PHF3: variants seen among roughly 807,000 people sequenced by gnomAD.
PHF3 encodes the protein PHD finger protein 3.
PHF3 carries 41 observed loss-of-function variants against 178.4 expected under a neutral mutation model. That is an observed-to-expected ratio of 0.23 (90% CI 0.18 to 0.30). PHF3 has a LOEUF of 0.30. Ranked by LOEUF, PHF3 falls within the 10% of genes least tolerant of loss-of-function variation. The pLI, the probability that PHF3 is intolerant of heterozygous loss-of-function variation, is 1.00. For missense variants in PHF3, 2,346 were observed against 2,398.1 expected (o/e 0.98, Z 0.45); for synonymous variants, 842 against 800.5 (o/e 1.05, Z -0.88).
intron 2 of PHF3, among the ~76,000 whole-genome samples, chr6:63,673,676 AG>A (rs766125280): frequency 6.6e-6 from 1 of 152,184 alleles, no homozygotes; most frequent in African/African-American, 2.4e-5. Flanking sequence ...TGAAAAATCA[AG>A]GGGGCAGGGT....
intron 5 of PHF3, among the ~76,000 whole-genome samples, chr6:63,693,121 A>G (rs982616083): frequency 1.3e-5 from 2 of 152,244 alleles, no homozygotes; most frequent in Non-Finnish European, 2.9e-5. Context: ...TGATTTGATC[A>G]TCAAAGTAAT....
intron 13 of PHF3, among the ~76,000 whole-genome samples, chr6:63,708,390 G>T (rs1052264366): frequency 6.6e-6 from 1 of 151,892 alleles, no homozygotes; most frequent in Non-Finnish European, 1.5e-5. Context: ...TTTTAAACAA[G>T]ATTATTATTT....
chr6:63,685,616 C>G lies in PHF3; in HGVS notation c.1894C>G (p.Gln632Glu). The G allele has an allele frequency of 6.2e-7, 1 of 1,614,094 alleles. No homozygotes were observed. Among genetic ancestry groups the G allele is most frequent in the East Asian group, 2.2e-5 (1 of 44,880 alleles). The change falls in exon 4 of 16, where the codon CAA (glutamine) becomes GAA (glutamate). Residue 632 changes from glutamine (Q) to glutamate (E), a missense_variant. Gln to Glu is a conservative substitution (Grantham distance 29, BLOSUM62 2). Transcript: ENST00000262043. ...SSQKQCHKPQQQAPAMKTNSH... is the reference protein window; with the variant it reads ...SSQKQCHKPQEQAPAMKTNSH... Reference sequence around the variant, plus strand: ...CCAGAAACAGTGTCATAAGCCTCAGCAACAGGCCCCAGCAATGAAAACCAA... The same window carrying G: ...CCAGAAACAGTGTCATAAGCCTCAGGAACAGGCCCCAGCAATGAAAACCAA...
rs965569394 is a variant in PHF3 at position 63,713,196 on chromosome 6, G to A, written c.5608G>A (p.Gly1870Ser). 2.5e-6 allele frequency: 4 copies of A among 1,613,880 alleles called. No individual in the cohort carries two copies. The highest frequency in any genetic ancestry group is 2.5e-6 in the Non-Finnish European group (3 of 1,179,976). ...HLPGQPQRMM[G>S]PLSQASRYIG... ...CCCAGGTCAGCCACAGCGTATGATG[G>A]GTCCTCTCTCACAAGCATCAAGGTA... The change falls in exon 16 of 16, where the codon GGT becomes AGT. Residue 1870 changes from glycine (G) to serine (S), a missense_variant. Physicochemically the swap from Gly to Ser is moderately conservative, Grantham distance 56. This residue lies in a region of PHF3 where 839 missense variants were observed against 806.9 expected (regional missense o/e 1.04). Coordinates refer to ENST00000262043, the MANE Select transcript of PHF3 (RefSeq NM_001370348.2).
rs1251927878 is a variant in PHF3 at position 63,719,978 on chromosome 6, A to G, written c.*6270A>G. On this transcript the variant is annotated 3_prime_UTR_variant, in exon 16 of 16. Coordinates refer to ENST00000262043, the MANE Select transcript of PHF3 (RefSeq NM_001370348.2). ...TTGTAATATCTATTGATGTCTTACTATAAAAGATAAGGATTTAGCTCTTAC... is the reference window on the plus strand; with the variant it reads ...TTGTAATATCTATTGATGTCTTACTGTAAAAGATAAGGATTTAGCTCTTAC... 1.3e-5 allele frequency: 2 copies of G among 152,104 alleles called. No homozygotes were observed. The highest frequency in any genetic ancestry group is 2.9e-5 in the Non-Finnish European group (2 of 67,996). 9.4% of individuals were successfully genotyped at this position (152,104 alleles called of 1,614,324 possible). A position where few individuals can be genotyped will look rare whatever the true frequency, so the allele number is the denominator to read the frequency against.
chr6:63,684,608 C>A lies in PHF3; in HGVS notation c.886C>A (p.Gln296Lys). ...GTTTTCAGATAAAGAAGAACATGAA[C>A]AAAATGATTCCATTTCAGGTAAAAC... ...FKFSDKEEHE[Q>K]NDSISGKTGE... The change falls in exon 4 of 16, where the codon CAA becomes AAA. Residue 296 changes from glutamine to lysine, a missense_variant. Physicochemically the swap from Gln to Lys is moderately conservative, Grantham distance 53 (BLOSUM62 1). This residue lies in a region of PHF3 where 843 missense variants were observed against 795.2 expected (regional missense o/e 1.06). Transcript: ENST00000262043. 6.2e-7 allele frequency: 1 copy of A among 1,613,824 alleles called. No homozygotes were observed. Among genetic ancestry groups the A allele is most frequent in the Non-Finnish European group, 8.5e-7 (1 of 1,179,870 alleles).
At chr6:63,706,310 A>G in intron 12 of PHF3, 86 bp downstream of exon 12, 1 of 992,364 alleles carries the variant, frequency 1.0e-6, no homozygotes. Flanking sequence ...CAGAAAAGTG[A>G]CATTTTGGGA....
chr6:63,648,037 G>A (rs753798739), intron 2 of PHF3, among the ~76,000 whole-genome samples: 1 of 152,082 alleles, frequency 6.6e-6, no homozygotes, highest in Non-Finnish European at 1.5e-5. Flanking sequence ...TCTGCTGTTG[G>A]CCCTTAAGTT....
chr6:63,673,188 A>C (rs1162109477), intron 2 of PHF3, among the ~76,000 whole-genome samples: 1 of 152,152 alleles, frequency 6.6e-6, no homozygotes, highest in Non-Finnish European at 1.5e-5. Context: ...GGCTAACAGC[A>C]GAAACAGCAC....
intron 4 of PHF3, among the ~76,000 whole-genome samples, chr6:63,687,130 C>G (rs1766746216): frequency 6.6e-6 from 1 of 152,140 alleles, no homozygotes; most frequent in Middle Eastern, 3.4e-3. Context: ...TTTAAAACAC[C>G]TTACTCAGCC....
At chr6:63,677,599 A>G (rs1169239694) in intron 2 of PHF3, among the ~76,000 whole-genome samples, 1 of 152,192 alleles carries the variant, frequency 6.6e-6, no homozygotes, top group East Asian at 1.9e-4. Context: ...CCTGTCAACA[A>G]ACACTATTCA....
rs1299109794 is a variant in PHF3, at chr6:63,717,168, T to C, written c.*3460T>C. Among the ~76,000 whole-genome samples the C allele has an allele frequency of 1.3e-5, 2 of 152,072 alleles. No individual in the cohort carries two copies. The highest frequency in any genetic ancestry group is 2.9e-5 in the Non-Finnish European group (2 of 67,978). ...GAGTGAAAAGTGAAGCCACTCCATGTTAACGTGTGTGTTAACATAAAACTA... is the reference window on the plus strand; with the variant it reads ...GAGTGAAAAGTGAAGCCACTCCATGCTAACGTGTGTGTTAACATAAAACTA... On this transcript the variant is annotated 3_prime_UTR_variant, in exon 16 of 16. Coordinates refer to ENST00000262043, the MANE Select transcript of PHF3 (RefSeq NM_001370348.2).
At chr6:63,697,306 A>G (rs1767273416) in intron 6 of PHF3, among the ~76,000 whole-genome samples, 1 of 152,178 alleles carries the variant, frequency 6.6e-6, no homozygotes, top group Non-Finnish European at 1.5e-5. Context: ...TTTCAGTGAA[A>G]TATGAAGAGC....
chr6:63,721,904 G>T lies in PHF3; in HGVS notation c.*8196G>T, dbSNP rs1670332073. 1 of 993,900 alleles carries T rather than the reference G, an allele frequency of 1.0e-6. No individual in the cohort carries two copies. Among genetic ancestry groups the T allele is most frequent in the Non-Finnish European group, 1.5e-6 (1 of 689,286 alleles). The allele number at this position is 993,900 out of a possible 1,614,324, so 61.6% of individuals were successfully genotyped here. ...ATAAGTTTTAGTTATGGGGAAAAAAGTAACAGATCTTGAGCACAATTGTGT... is the reference window on the plus strand; with the variant it reads ...ATAAGTTTTAGTTATGGGGAAAAAATTAACAGATCTTGAGCACAATTGTGT... On this transcript the variant is annotated 3_prime_UTR_variant, in exon 16 of 16. Coordinates refer to ENST00000262043, the MANE Select transcript of PHF3 (RefSeq NM_001370348.2).
intron 1 of PHF3, chr6:63,636,357 A>G (rs2149530604): frequency 1.3e-5 from 2 of 158,048 alleles, no homozygotes; most frequent in East Asian, 3.6e-4. Context: ...GCGCCTGTGG[A>G]CCATTTGGAC....
Position 63,691,934 on chromosome 6 carries a change from G to A in PHF3, c.2387G>A (p.Gly796Glu), listed in dbSNP as rs1244313306. The change falls in exon 5 of 16, where the codon GGA becomes GAA. Residue 796 changes from glycine (G) to glutamate (E), a missense_variant. Transcript: ENST00000262043. The part of the protein sequence containing the change: ...ENQATVEFHS[G>E]DKTMECEKLG... ...CAAGCTACAGTTGAATTCCATAGTG[G>A]AGATAAAACAATGGAGTGTGAAAAG... 3 of 1,613,158 alleles carry A rather than the reference G, an allele frequency of 1.9e-6. No homozygotes were observed. The highest frequency in any genetic ancestry group is 2.2e-5 in the East Asian group (1 of 44,842).
rs114471607 is a variant in PHF3, at chr6:63,716,491, A to G, written c.*2783A>G. On this transcript the variant is annotated 3_prime_UTR_variant, in exon 16 of 16. Transcript: ENST00000262043. ...TTTGCAAAATTTATATTAATCACAA[A>G]TCCTAATTCTCTATTCCTGTTTTCT... Among the ~76,000 whole-genome samples, 264 of 152,144 alleles carry G rather than the reference A, an allele frequency of 1.7e-3. 1 individual carries two copies. Among genetic ancestry groups the G allele is most frequent in the African/African-American group, 6.1e-3 (254 of 41,522 alleles).
rs1055969781 is a variant in PHF3, at chr6:63,722,232, C to G, written c.*8524C>G. Among the ~76,000 whole-genome samples the G allele has an allele frequency of 6.6e-6, 1 of 152,104 alleles. No homozygotes were observed. Among genetic ancestry groups the G allele is most frequent in the African/African-American group, 2.4e-5 (1 of 41,430 alleles). ...CCCCATCCTTACACTCTCTTTACTT[C>G]AACAACACTGACTTTGTTAATTAAG... On this transcript the variant is annotated 3_prime_UTR_variant, in exon 16 of 16. Coordinates refer to ENST00000262043, the MANE Select transcript of PHF3 (RefSeq NM_001370348.2).
chr6:63,636,917 G>A (rs920351972), intron 1 of PHF3: 3 of 152,160 alleles, frequency 2.0e-5, no homozygotes, highest in African/African-American at 7.2e-5. Flanking sequence ...TATCGCGCAC[G>A]GAGTCCTGTG....
Sources: allele counts gnomAD v4.1 joint callset (sites outside exome capture counted in the v4.1 genomes callset), GRCh38; gene constraint gnomAD v4.1.1; regional missense constraint gnomAD v4.1.1; transcripts MANE v1.5; gene names NCBI Gene and HGNC (gene_info 2026-07-23, HGNC 2026-07-21).